Variants in NBPF11 observed in about 807,000 individuals in gnomAD.
NBPF11 encodes the protein NBPF member 11.
NBPF11 carries 72 observed loss-of-function variants against 93.9 expected under a neutral mutation model. That is an observed-to-expected ratio of 0.77 (90% CI 0.63 to 0.93). NBPF11 has a LOEUF of 0.93. Among genes scored for constraint, NBPF11 ranks in the 40% least tolerant of loss-of-function variants. The pLI is 0.00. For synonymous variants in NBPF11, 224 were observed against 304.9 expected, an observed-to-expected ratio of 0.73 and a Z score of 2.76; for missense variants, 705 against 802.2, an observed-to-expected ratio of 0.88 and a Z score of 1.46.
Position 148,124,057 on chromosome 1 carries a change from C to G in NBPF11, c.289G>C (p.Val97Leu), listed in dbSNP as rs1392003098. ...TCTCGTTCCTGAGAGTGAACCAGGA[C>G]TTTATATTGCCTAAGGTGAGACGGT... is the stretch of plus-strand genomic sequence containing the variant. ...KQAEELRQYK[V>L]LVHSQERELT... The change falls in exon 7 of 24, where the codon GTC becomes CTC. Residue 97 changes from valine (V) to leucine (L), a missense_variant. Physicochemically the swap from Val to Leu is conservative, Grantham distance 32. This residue lies in a region of NBPF11 where 128 missense variants were observed against 112.8 expected (regional missense o/e 1.14). Coordinates refer to ENST00000682118, the MANE Select transcript of NBPF11 (RefSeq NM_001385469.3). 1 of 1,601,470 alleles carries G rather than the reference C, an allele frequency of 6.2e-7. No individual in the cohort carries two copies. Among genetic ancestry groups the G allele is most frequent in the African/African-American group, 1.3e-5 (1 of 74,378 alleles).
chr1:148,145,201 CTTTTTTTTTTT>C (rs1190949525), intron 1 of NBPF11, among the ~76,000 whole-genome samples: 2 of 75,620 alleles, frequency 2.6e-5, no homozygotes, highest in Non-Finnish European at 4.9e-5. Context: ...TTTTTTCTTT[CTTTTTTTTTTT>C]TTTTTTTTTT....
At chr1:148,145,828 T>C (rs2149304067) in intron 1 of NBPF11, among the ~76,000 whole-genome samples, 1 of 151,262 alleles carries the variant, frequency 6.6e-6, no homozygotes, top group South Asian at 2.1e-4. Flanking sequence ...TGCACTAAGC[T>C]GTGATTGTAC....
At chr1:148,121,574 C>G (rs1297286382) in intron 9 of NBPF11, among the ~76,000 whole-genome samples, 1 of 151,584 alleles carries the variant, frequency 6.6e-6, no homozygotes, top group South Asian at 2.1e-4. Context: ...CCAGGATGGT[C>G]TCAATCTCCT....
At chr1:148,109,509 G>A in intron 16 of NBPF11, 174 bp from the exon 17 acceptor site, 2 of 637,508 alleles carry the variant, frequency 3.1e-6, no homozygotes, top group East Asian at 5.3e-5. Context: ...AACTGGCTTG[G>A]GTTCTTTCAT....
At chr1:148,105,971 G>A (rs1411550692) in intron 21 of NBPF11, among the ~76,000 whole-genome samples, 2 of 145,178 alleles carry the variant, frequency 1.4e-5, no homozygotes, top group African/African-American at 2.7e-5. Flanking sequence ...TTGAAGTCTG[G>A]TCCACCTGCA....
intron 6 of NBPF11, 40 bp downstream of exon 6, chr1:148,124,859 C>T: frequency 6.2e-7 from 1 of 1,601,560 alleles, no homozygotes; most frequent in Non-Finnish European, 8.5e-7. Context: ...CAGAGATCTA[C>T]ACACCTACCT....
intron 4 of NBPF11, among the ~76,000 whole-genome samples, chr1:148,132,198 A>T: frequency 7.2e-6 from 1 of 138,708 alleles, no homozygotes; most frequent in South Asian, 2.3e-4. Flanking sequence ...CAAAACGGTG[A>T]ATATATATAT....
intron 10 of NBPF11, 144 bp downstream of exon 10, chr1:148,120,355 TTA>T (rs1667542044): frequency 1.5e-6 from 1 of 664,340 alleles, no homozygotes; most frequent in African/African-American, 1.8e-5. Flanking sequence ...TCTTCCAACT[TTA>T]ACAAAATGTT....
At chr1:148,142,567 C>T (rs1672364103) in intron 2 of NBPF11, among the ~76,000 whole-genome samples, 1 of 152,056 alleles carries the variant, frequency 6.6e-6, no homozygotes, top group African/African-American at 2.4e-5. Context: ...GACTTCCCTC[C>T]TTGCACTGGC....
chr1:148,122,819 T>C lies in NBPF11; in HGVS notation c.494-18A>G. 2 of 1,609,664 alleles carry C rather than the reference T, an allele frequency of 1.2e-6. No homozygotes were observed. Among genetic ancestry groups the C allele is most frequent in the Non-Finnish European group, 1.7e-6 (2 of 1,177,846 alleles). ...GTCATTTTCTATAAATACAAAATGTTCGTTCAGATATTTCCCACTTCACAT... is the reference window on the plus strand; with the variant it reads ...GTCATTTTCTATAAATACAAAATGTCCGTTCAGATATTTCCCACTTCACAT... On this transcript the variant is annotated intron_variant, in intron 7 of 23. Transcript: ENST00000682118.
chr1:148,126,965 T>C lies in NBPF11; in HGVS notation c.39A>G (p.Ala13=). ...CGTTGATTTCTAGAATGTTCATCTC[T>C]GCCTTCTCGCTGGACCAAGGGCCGG... ...VSAGPWSSEK[A]EMNILEINEK... Residue 13 remains alanine (A), a synonymous_variant, in exon 5 of 24, where the codon GCA becomes GCG. Coordinates refer to ENST00000682118, the MANE Select transcript of NBPF11 (RefSeq NM_001385469.3). 3 of 840,040 alleles carry C rather than the reference T, an allele frequency of 3.6e-6. No individual in the cohort carries two copies. Among genetic ancestry groups the C allele is most frequent in the Non-Finnish European group, 5.9e-6 (3 of 512,270 alleles). 52.0% of individuals were successfully genotyped at this position (840,040 alleles called of 1,614,324 possible). A position where few individuals can be genotyped will look rare whatever the true frequency, so the allele number is the denominator to read the frequency against.
Position 148,115,803 on chromosome 1 carries a change from G to C in NBPF11, c.1575C>G (p.His525Gln), listed in dbSNP as rs1421861820. 1.3e-6 allele frequency: 2 copies of C among 1,582,662 alleles called. No individual in the cohort carries two copies. Among genetic ancestry groups the C allele is most frequent in the South Asian group, 2.2e-5 (2 of 90,348 alleles). Residue 525 changes from histidine (H) to glutamine (Q), a missense_variant, in exon 14 of 24, where the codon CAC (histidine) becomes CAG (glutamine). Transcript: ENST00000682118. The part of the protein sequence containing the change: ...SSHVEWEDAV[H>Q]IIPENESDDE... ...GAAAACAGAGGCTACCTGGGATAAT[G>C]TGTACAGCATCCTCCCATTCAACAT...
intron 12 of NBPF11, among the ~76,000 whole-genome samples, chr1:148,116,895 A>C (rs1280271415): frequency 3.5e-4 from 53 of 151,770 alleles, no homozygotes; most frequent in Admixed American, 1.1e-3. Context: ...TTTCAAACCT[A>C]ATTCTTTCTC....
chr1:148,127,226 G>A, intron 4 of NBPF11, 188 bp from the exon 5 acceptor site: 2 of 264,454 alleles, frequency 7.6e-6, no homozygotes, highest in Non-Finnish European at 1.3e-5. Context: ...ACTCAGAGCT[G>A]AAAGCACTGC....
chr1:148,108,336 TAG>T (rs1664292867), intron 18 of NBPF11, 144 bp downstream of exon 18: 1 of 665,160 alleles, frequency 1.5e-6, no homozygotes, highest in South Asian at 1.8e-5. Context: ...CAAGTGGAAC[TAG>T]AGTTTCACTC....
At position 148,149,419 on chromosome 1, in the gene NBPF11, C is replaced by T. The variant is rs1415289694; in HGVS notation, c.-549+2331G>A. 3.6e-5 allele frequency: 57 copies of T among 1,580,384 alleles called. No individual in the cohort carries two copies. In the Middle Eastern group the frequency reaches 1.1e-3, roughly 31 times the overall value. Reference sequence around the variant, plus strand: ...AGGACGAGGTGATCGACTTCTCGCACGGGCTGGCGCTCTACGAGCGCTGCC... The same window carrying T: ...AGGACGAGGTGATCGACTTCTCGCATGGGCTGGCGCTCTACGAGCGCTGCC... On this transcript the variant is annotated intron_variant, in intron 1 of 23. Transcript: ENST00000682118.
At position 148,117,204 on chromosome 1, in the gene NBPF11, C is replaced by T. The variant is rs3992661; in HGVS notation, c.1306+368G>A. Reference sequence around the variant, plus strand: ...CAGGAAGGACAAGTCATTCACTCACCGACAGTTACTAAGAACATTGCCAAA... The same window carrying T: ...CAGGAAGGACAAGTCATTCACTCACTGACAGTTACTAAGAACATTGCCAAA... On this transcript the variant is annotated intron_variant, in intron 12 of 23. Transcript: ENST00000682118. 1.5e-3 allele frequency among the ~76,000 whole-genome samples: 233 copies of T among 151,258 alleles called. 1 individual carries two copies. The highest frequency in any genetic ancestry group is 4.8e-3 in the African/African-American group (197 of 40,804).
rs1311413933 is a variant in NBPF11 at position 148,150,004 on chromosome 1, G to A, written c.-549+1746C>T. On this transcript the variant is annotated intron_variant, in intron 1 of 23. Transcript: ENST00000682118. ...CCCTGCTAACTGATAAAACACTTTG[G>A]GAAAATGTTCAGCCATATGTAATAC... Among the ~76,000 whole-genome samples, 584 of 151,664 alleles carry A rather than the reference G, an allele frequency of 3.9e-3. 6 individuals are homozygous for A. The highest frequency in any genetic ancestry group is 0.014 in the African/African-American group (556 of 41,142).
At chr1:148,118,137 T>C (rs3992655) in intron 11 of NBPF11, among the ~76,000 whole-genome samples, 24 of 146,430 alleles carry the variant, frequency 1.6e-4, no homozygotes, top group Admixed American at 1.1e-3. Context: ...CTTGCGGCCA[T>C]TAGATACAAA....
Sources: gnomAD v4.1 joint callset for allele counts (sites outside exome capture counted in the v4.1 genomes callset) on GRCh38, gnomAD v4.1.1 for gene constraint, gnomAD v4.1.1 regional missense constraint, MANE v1.5 for transcripts, NCBI Gene and HGNC (gene_info 2026-07-23, HGNC 2026-07-21) for gene names.